Variants in DYNC1H1 observed in about 807,000 individuals in gnomAD.
DYNC1H1 encodes the protein dynein cytoplasmic 1 heavy chain 1.
A neutral mutation model predicts 527.1 loss-of-function variants in DYNC1H1; 51 were observed. The observed-to-expected ratio is 0.10, with a 90% CI of 0.08 to 0.12. DYNC1H1 has a LOEUF of 0.12. DYNC1H1 is among the 10% of genes least tolerant of loss of function. The probability of loss-of-function intolerance (pLI) is 1.00; values close to 1 mark genes in which losing one functional copy is unlikely to be tolerated. For synonymous variants in DYNC1H1, 2,189 were observed against 2,278.8 expected (o/e 0.96, Z 1.12); for missense variants, 2,771 against 5,971.8 (o/e 0.46, Z 17.66).
intron 16 of DYNC1H1, among the ~76,000 whole-genome samples, chr14:101,998,583 A>C (rs1293981158): frequency 6.6e-6 from 1 of 152,242 alleles, no homozygotes; most frequent in Admixed American, 6.5e-5. Flanking sequence ...TAAGTTTCCC[A>C]CAGTAGGCCT....
intron 1 of DYNC1H1, among the ~76,000 whole-genome samples, chr14:101,967,576 A>C (rs1451636639): frequency 6.6e-6 from 1 of 152,180 alleles, no homozygotes; most frequent in Non-Finnish European, 1.5e-5. Context: ...GCGGTGGCTC[A>C]CACCTGTAAT....
At chr14:102,000,173 AT>A (rs2048113859) in intron 17 of DYNC1H1, 29 bp downstream of exon 17, 2 of 1,613,952 alleles carry the variant, frequency 1.2e-6, no homozygotes, top group Admixed American at 1.7e-5. Flanking sequence ...TGGGTGGAGA[AT>A]CCCGCTCCCC....
At chr14:102,025,238 C>G (rs1048001274) in intron 43 of DYNC1H1, among the ~76,000 whole-genome samples, 5 of 151,890 alleles carry the variant, frequency 3.3e-5, no homozygotes, top group Admixed American at 1.3e-4. Flanking sequence ...AAACCCATCT[C>G]TACTAAAAAT....
chr14:102,022,979 T>C, intron 43 of DYNC1H1, 99 bp downstream of exon 43: 1 of 1,567,884 alleles, frequency 6.4e-7, no homozygotes, highest in South Asian at 1.1e-5. Flanking sequence ...AAAATATCTT[T>C]AGGCTGGGTA....
intron 69 of DYNC1H1, chr14:102,043,024 G>T (rs1409987586): frequency 4.4e-6 from 2 of 453,486 alleles, no homozygotes; most frequent in Non-Finnish European, 8.2e-6. Context: ...GCTCACGCCT[G>T]TAATCCCTGC....
In DYNC1H1 at chr14:102,049,805, TGGA is replaced by T; in HGVS notation, c.13612_13614del (p.Glu4538del). 1 of 1,613,900 alleles carries T rather than the reference TGGA, an allele frequency of 6.2e-7. No individual in the cohort carries two copies. The highest frequency in any genetic ancestry group is 1.6e-4 in the Middle Eastern group (1 of 6,062). On this transcript the variant is annotated inframe_deletion, in exon 76 of 78. Coordinates refer to ENST00000360184, the MANE Select transcript of DYNC1H1 (RefSeq NM_001376.5). This position sits in a 1 kb window ranked among gnomAD's most constrained non-coding sequence, Gnocchi z 5.5. ...GTGGCCCAGGCCAACAGCTGGTCCC[TGGA>T]GGAGCTCTGCCTGGAAGTCAACGTC...
At chr14:102,037,342 T>C (rs900916483) in intron 57 of DYNC1H1, 3 of 149,276 alleles carry the variant, frequency 2.0e-5, no homozygotes, top group Admixed American at 6.7e-5. Flanking sequence ...GAAAATTGCT[T>C]GAACCTGGGA....
At chr14:102,009,169 G>A (rs1318141447) in intron 29 of DYNC1H1, among the ~76,000 whole-genome samples, 1 of 152,208 alleles carries the variant, frequency 6.6e-6, no homozygotes, top group Non-Finnish European at 1.5e-5. Flanking sequence ...CCAGCATGTG[G>A]GGTCAGGGAG....
chr14:102,010,189 T>C lies in DYNC1H1; in HGVS notation c.6222-87T>C. On this transcript the variant is annotated intron_variant, in intron 30 of 77. Transcript: ENST00000360184. The surrounding 1 kb of genome is among the most constrained non-coding windows in gnomAD (Gnocchi z 6.0). ...TGTAATGATGGTACGTCTTTCAAAA[T>C]ATCCATCTCTGGTTTCTTGACACTT... is the stretch of plus-strand genomic sequence containing the variant. The C allele has an allele frequency of 6.2e-7, 1 of 1,612,252 alleles. No individual in the cohort carries two copies. Among genetic ancestry groups the C allele is most frequent in the South Asian group, 1.1e-5 (1 of 90,800 alleles).
chr14:102,041,793 C>T lies in DYNC1H1; in HGVS notation c.12102+59C>T. On this transcript the variant is annotated intron_variant, in intron 65 of 77. Transcript: ENST00000360184. The surrounding 1 kb of genome is among the most constrained non-coding windows in gnomAD (Gnocchi z 4.5). ...GACTCCATGCCCACCTCCCCAGCCA[C>T]AGGTGGCAGCAGCCCTGGCATCTGC... The T allele has an allele frequency of 6.2e-7, 1 of 1,611,118 alleles. No homozygotes were observed. Among genetic ancestry groups the T allele is most frequent in the Non-Finnish European group, 8.5e-7 (1 of 1,179,166 alleles).
Position 102,018,326 on chromosome 14 carries a change from C to G in DYNC1H1, c.8178-125C>G. On this transcript the variant is annotated intron_variant, in intron 40 of 77. Coordinates refer to ENST00000360184, the MANE Select transcript of DYNC1H1 (RefSeq NM_001376.5). This position sits in a 1 kb window ranked among gnomAD's most constrained non-coding sequence, Gnocchi z 5.2. ...ATCTCAGCTAACACTGATGTCAAGT[C>G]TGCATAGCTGGGTTAGGAAGCGACC... 1.5e-6 allele frequency: 2 copies of G among 1,357,228 alleles called. No individual in the cohort carries two copies. Among genetic ancestry groups the G allele is most frequent in the Non-Finnish European group, 2.0e-6 (2 of 993,480 alleles). The allele number at this position is 1,357,228 out of a possible 1,614,324, so 84.1% of individuals were successfully genotyped here. A position where few individuals can be genotyped will look rare whatever the true frequency, so the allele number is the denominator to read the frequency against.
At chr14:102,009,533 G>A (rs910204284) in intron 29 of DYNC1H1, 2 of 337,290 alleles carry the variant, frequency 5.9e-6, no homozygotes, top group Non-Finnish European at 1.1e-5. Context: ...CAATTTGTTG[G>A]ACTGCATCTC....
At position 102,000,822 on chromosome 14, in the gene DYNC1H1, C is replaced by T. The variant is rs1373494202; in HGVS notation, c.4075-132C>T. On this transcript the variant is annotated intron_variant, in intron 18 of 77. Transcript: ENST00000360184. ...CTCCCGACCTCAAGTGATCTGCTCG[C>T]CCGGCCTCCCAAAGTGCTGGGATTA... The T allele has an allele frequency of 1.9e-5, 15 of 803,552 alleles. No individual in the cohort carries two copies. In the African/African-American group the frequency reaches 2.5e-4, roughly 14 times the overall value. 49.8% of individuals were successfully genotyped at this position (803,552 alleles called of 1,614,324 possible). A position where few individuals can be genotyped will look rare whatever the true frequency, so the allele number is the denominator to read the frequency against.
intron 51 of DYNC1H1, 33 bp downstream of exon 51, chr14:102,030,315 G>A (rs1231514805): frequency 6.2e-7 from 1 of 1,613,898 alleles, no homozygotes; most frequent in Non-Finnish European, 8.5e-7. Context: ...TTGATGTCTA[G>A]GAAGGGTGGT....
intron 1 of DYNC1H1, among the ~76,000 whole-genome samples, chr14:101,970,248 G>A (rs550370296): frequency 3.3e-5 from 5 of 152,044 alleles, no homozygotes; most frequent in Admixed American, 6.6e-5. Context: ...AGAATACTCC[G>A]ACTTTCTCAC....
In DYNC1H1 at chr14:102,001,409, A is replaced by G. The variant is rs1420909686; in HGVS notation, c.4395+55A>G. ...CGTTGTGTTTCGGGCTGTTACATAG[A>G]TCTGAGCTATGTAAAAATGGAGCCT... On this transcript the variant is annotated intron_variant, in intron 20 of 77. Transcript: ENST00000360184. The surrounding 1 kb of genome is among the most constrained non-coding windows in gnomAD (Gnocchi z 5.0). 87 of 1,611,132 alleles carry G rather than the reference A, an allele frequency of 5.4e-5. No individual in the cohort carries two copies. Among genetic ancestry groups the G allele is most frequent in the Non-Finnish European group, 1.7e-5 (20 of 1,177,626 alleles).
rs761079660 is a variant in DYNC1H1, at chr14:102,050,401, C to G, written c.13813-34C>G. 8 of 1,614,054 alleles carry G rather than the reference C, an allele frequency of 5.0e-6. No individual in the cohort carries two copies. In the African/African-American group the frequency reaches 1.1e-4, roughly 22 times the overall value. ...AGTCTTCCAGTTTTCTTACTTTTCC[C>G]TTAAGCCACCAGTAAACCCCTCTGC... On this transcript the variant is annotated intron_variant, in intron 77 of 77. Transcript: ENST00000360184.
intron 2 of DYNC1H1, among the ~76,000 whole-genome samples, chr14:101,977,356 A>T (rs183826813): frequency 8.1e-4 from 123 of 152,354 alleles, no homozygotes; most frequent in Non-Finnish European, 1.1e-3. Context: ...CGTGAATAGT[A>T]TATAGAACTC....
At position 101,997,259 on chromosome 14, in the gene DYNC1H1, G is replaced by A. The variant is rs1477959986; in HGVS notation, c.3789G>A (p.Lys1263=). 45 of 1,614,112 alleles carry A rather than the reference G, an allele frequency of 2.8e-5. No individual in the cohort carries two copies. The highest frequency in any genetic ancestry group is 3.8e-5 in the Non-Finnish European group (45 of 1,180,016). Residue 1263 remains lysine (K), a synonymous_variant, in exon 16 of 78, where the codon AAG becomes AAA. Coordinates refer to ENST00000360184, the MANE Select transcript of DYNC1H1 (RefSeq NM_001376.5). This position sits in a 1 kb window ranked among gnomAD's most constrained non-coding sequence, Gnocchi z 4.8. ...RTTDLLTDWE[K]TKPVTGNLRP... ...CCGACCTGCTGACTGACTGGGAGAA[G>A]ACCAAGCCTGTCACGGTGAGTCCCG...
Sources: allele counts gnomAD v4.1 joint callset (sites outside exome capture counted in the v4.1 genomes callset), GRCh38; gene constraint gnomAD v4.1.1; non-coding constraint Gnocchi (gnomAD v3.1); transcripts MANE v1.5; gene names NCBI Gene and HGNC (gene_info 2026-07-23, HGNC 2026-07-21).